Variants in RAB27B observed in about 807,000 individuals in gnomAD.
RAB27B encodes RAB27B, member RAS oncogene family.
A neutral mutation model predicts 24.6 loss-of-function variants in RAB27B; 15 were observed. That is an observed-to-expected ratio of 0.61 (90% CI 0.41 to 0.94). RAB27B has a LOEUF of 0.94. Among genes scored for constraint, RAB27B ranks in the 40% least tolerant of loss-of-function variants. RAB27B has a pLI of 0.00. For synonymous variants in RAB27B, 105 were observed against 92.5 expected, an observed-to-expected ratio of 1.14 and a Z score of -0.78; for missense variants, 261 against 266.8, an observed-to-expected ratio of 0.98 and a Z score of 0.15.
intron 2 of RAB27B, among the ~76,000 whole-genome samples, chr18:54,806,215 G>A (rs1909786336): frequency 2.0e-5 from 3 of 152,012 alleles, no homozygotes; most frequent in Admixed American, 1.3e-4. Context: ...GATAAGCAGT[G>A]TACTTAGCCT....
At chr18:54,852,691 G>A (rs551148616) in intron 1 of RAB27B, among the ~76,000 whole-genome samples, 26 of 152,312 alleles carry the variant, frequency 1.7e-4, no homozygotes, top group African/African-American at 6.3e-4. Flanking sequence ...ATAGTTGAAA[G>A]GATATAATTA....
chr18:54,747,588 G>A (rs1910292300), intron 2 of RAB27B, among the ~76,000 whole-genome samples: 2 of 152,202 alleles, frequency 1.3e-5, no homozygotes, highest in Non-Finnish European at 1.5e-5. Context: ...CTGAATAATA[G>A]GTCTTGACAT....
At chr18:54,841,661 G>C (rs1911125844) in intron 1 of RAB27B, among the ~76,000 whole-genome samples, 1 of 152,122 alleles carries the variant, frequency 6.6e-6, no homozygotes, top group African/African-American at 2.4e-5. Context: ...CCAACTACCA[G>C]GATAAGAGGT....
intron 2 of RAB27B, among the ~76,000 whole-genome samples, chr18:54,728,896 AAAAACCCAAAAAAAAAAAAAAAAAAAAC>A (rs1416460019): frequency 3.1e-4 from 28 of 89,772 alleles, no homozygotes; most frequent in African/African-American, 9.9e-4. Flanking sequence ...AAAAAAAAAA[AAAAACCCAAAAAAAAAAAAAAAAAAAAC>A]CACCACCAAA....
At chr18:54,798,833 T>C (rs184547243) in intron 2 of RAB27B, among the ~76,000 whole-genome samples, 127 of 152,374 alleles carry the variant, frequency 8.3e-4, no homozygotes, top group Admixed American at 1.2e-3. Flanking sequence ...ATGTAGTGTA[T>C]AGCCACATCT....
chr18:54,887,217 G>A (rs951520286), intron 4 of RAB27B, among the ~76,000 whole-genome samples: 1 of 151,602 alleles, frequency 6.6e-6, no homozygotes, highest in South Asian at 2.1e-4. Context: ...CATTTCGGAG[G>A]TTAGAGAAAG....
intron 1 of RAB27B, among the ~76,000 whole-genome samples, chr18:54,866,247 C>G (rs1598974496): frequency 6.6e-6 from 1 of 151,694 alleles, no homozygotes; most frequent in Non-Finnish European, 1.5e-5. Flanking sequence ...CTCAGGGGAT[C>G]CTGGTGGGAT....
chr18:54,832,159 G>A (rs1435771587), intron 1 of RAB27B, among the ~76,000 whole-genome samples: 1 of 152,154 alleles, frequency 6.6e-6, no homozygotes, highest in Non-Finnish European at 1.5e-5. Flanking sequence ...CCAGTTAGGA[G>A]GCTATTCCAG....
At chr18:54,863,995 AAT>A (rs1023577987) in intron 1 of RAB27B, among the ~76,000 whole-genome samples, 11 of 152,214 alleles carry the variant, frequency 7.2e-5, no homozygotes, top group African/African-American at 2.7e-4. Context: ...TCTTTGAGTG[AAT>A]ATATGTTTTC....
chr18:54,725,109 G>A (rs1214516522), intron 2 of RAB27B, among the ~76,000 whole-genome samples: 2 of 151,378 alleles, frequency 1.3e-5, no homozygotes. Flanking sequence ...GGAAGAATAT[G>A]GTTTGAGGAA....
rs192666077 is a variant in RAB27B at position 54,790,096 on chromosome 18, G to T, written c.-20+71955G>T. On this transcript the variant is annotated intron_variant, in intron 2 of 4. Transcript: ENST00000586570. ...GTTGAGCAATGAATCATTGAAACCTGGTCATTCCATTGTCAGGAAAAAAAA... is the reference window on the plus strand; with the variant it reads ...GTTGAGCAATGAATCATTGAAACCTTGTCATTCCATTGTCAGGAAAAAAAA... Among the ~76,000 whole-genome samples, 696 of 151,930 alleles carry T rather than the reference G, an allele frequency of 4.6e-3. 10 individuals are homozygous for T. Among genetic ancestry groups the T allele is most frequent in the Non-Finnish European group, 7.8e-3 (529 of 67,872 alleles).
intron 2 of RAB27B, among the ~76,000 whole-genome samples, chr18:54,803,689 T>C (rs1010833225): frequency 5.9e-5 from 9 of 152,142 alleles, no homozygotes; most frequent in African/African-American, 1.9e-4. Context: ...GGATATGTCT[T>C]GGAGTTAGGT....
chr18:54,884,544 A>G (rs1913055624), intron 4 of RAB27B, 108 bp downstream of exon 4: 7 of 717,800 alleles, frequency 9.8e-6, no homozygotes, highest in East Asian at 5.2e-5. Flanking sequence ...ATTAACTTTC[A>G]AAGTCATGAG....
intron 1 of RAB27B, among the ~76,000 whole-genome samples, chr18:54,859,865 T>C (rs1392173851): frequency 3.3e-5 from 5 of 152,212 alleles, no homozygotes; most frequent in African/African-American, 1.2e-4. Context: ...GTATTTTTAA[T>C]CAGAGCTCCA....
chr18:54,848,177 A>T (rs191565423), intron 1 of RAB27B, among the ~76,000 whole-genome samples: 1 of 152,354 alleles, frequency 6.6e-6, no homozygotes, highest in East Asian at 1.9e-4. Flanking sequence ...ATAGTTCATG[A>T]TGTACAGAGA....
intron 2 of RAB27B, among the ~76,000 whole-genome samples, chr18:54,719,615 A>T (rs1909295732): frequency 6.6e-6 from 1 of 152,030 alleles, no homozygotes; most frequent in South Asian, 2.1e-4. Context: ...AAGTTAGGGA[A>T]ATTAGATTGG....
chr18:54,719,012 G>T (rs867014734), intron 2 of RAB27B, among the ~76,000 whole-genome samples: 23 of 150,866 alleles, frequency 1.5e-4, no homozygotes, highest in African/African-American at 3.9e-4. Flanking sequence ...ACAAAATATT[G>T]AGTTCTGCTA....
Position 54,877,569 on chromosome 18 carries a change from C to A in RAB27B, c.-17C>A, listed in dbSNP as rs1229358504. 1.3e-6 allele frequency: 2 copies of A among 1,502,456 alleles called. No individual in the cohort carries two copies. Among genetic ancestry groups the A allele is most frequent in the Admixed American group, 2.6e-5 (1 of 38,292 alleles). 93.1% of individuals were successfully genotyped at this position (1,502,456 alleles called of 1,614,324 possible). A position where few individuals can be genotyped will look rare whatever the true frequency, so the allele number is the denominator to read the frequency against. On this transcript the variant is annotated splice_region_variant and 5_prime_UTR_variant, in exon 2 of 6. Coordinates refer to ENST00000262094, the MANE Select transcript of RAB27B (RefSeq NM_004163.4). The stretch of plus-strand genomic sequence containing the variant: ...CTTGTTTTCCCTCTCCTATACAGAC[C>A]GACCAAGACCATCACTATGACCGAT...
Position 54,839,004 on chromosome 18 carries a change from G to A in RAB27B, c.-20+10304G>A, listed in dbSNP as rs145723644. 1.8e-3 allele frequency among the ~76,000 whole-genome samples: 275 copies of A among 152,180 alleles called. 1 individual carries two copies. Among genetic ancestry groups the A allele is most frequent in the Admixed American group, 3.0e-3 (46 of 15,272 alleles). ...ATAAAGAGTATATGGACTTATATGA[G>A]ACAGTAATAATAAATATGGAAAAAG... is the stretch of plus-strand genomic sequence containing the variant. On this transcript the variant is annotated intron_variant, in intron 1 of 5. Transcript: ENST00000262094.
Sources: gnomAD v4.1 joint callset for allele counts (sites outside exome capture counted in the v4.1 genomes callset) on GRCh38, gnomAD v4.1.1 for gene constraint, MANE v1.5 for transcripts, NCBI Gene and HGNC (gene_info 2026-07-23, HGNC 2026-07-21) for gene names.